GALNT16: variants seen among roughly 807,000 people sequenced by gnomAD.
GALNT16 encodes polypeptide N-acetylgalactosaminyltransferase 16.
Under a neutral mutation model 76.1 loss-of-function variants are expected in GALNT16, and 40 were observed. The observed-to-expected ratio is 0.53, with a 90% confidence interval of 0.41 to 0.68. The LOEUF (loss-of-function observed/expected upper bound fraction) is 0.68, where lower values mean the gene tolerates loss of function less well. GALNT16 is among the 30% of genes least tolerant of loss of function. The pLI, the probability that GALNT16 is intolerant of heterozygous loss-of-function variation, is 0.00. For missense variants in GALNT16, 621 were observed against 731.9 expected (o/e 0.85, Z 1.75); for synonymous variants, 276 against 285.2 (o/e 0.97, Z 0.32).
rs949816720 is a variant in GALNT16 at position 69,304,532 on chromosome 14, G to A, written c.178-16179G>A. 5.9e-5 allele frequency among the ~76,000 whole-genome samples: 9 copies of A among 152,278 alleles called. No individual in the cohort carries two copies. The East Asian group carries it at 7.7e-4, about 13-fold the overall frequency. On this transcript the variant is annotated intron_variant, in intron 1 of 14. Coordinates refer to ENST00000448469, the MANE Select transcript of GALNT16 (RefSeq NM_001168368.2). ...ATCCATTATGATTGACTATAGGTAC[G>A]ATGTTGTACAGCAGACTCTAGAGCT...
chr14:69,329,079 C>T (rs1439248851), intron 6 of GALNT16, among the ~76,000 whole-genome samples: 1 of 152,166 alleles, frequency 6.6e-6, no homozygotes, highest in African/African-American at 2.4e-5. Flanking sequence ...GCAAAGGGGC[C>T]TGGAGCGGTG....
intron 1 of GALNT16, among the ~76,000 whole-genome samples, chr14:69,284,022 G>T (rs2044577652): frequency 1.3e-5 from 2 of 152,218 alleles, no homozygotes; most frequent in Middle Eastern, 3.4e-3. Context: ...GAATGATTTG[G>T]CTCATCCTTA....
At chr14:69,358,897 G>A (rs12879905), downstream of GALNT16, 8,144 of 152,388 alleles carry the variant, frequency 0.053, 315 homozygotes, top group East Asian at 0.097. Context: ...GACCTGAGTC[G>A]TGTAGTGCGA....
intron 1 of GALNT16, among the ~76,000 whole-genome samples, chr14:69,274,325 C>T (rs1163816360): frequency 6.6e-6 from 1 of 152,152 alleles, no homozygotes; most frequent in Non-Finnish European, 1.5e-5. Context: ...TTATCTAATT[C>T]TGCATAACAA....
At chr14:69,331,756 C>T (rs2045355545) in intron 7 of GALNT16, among the ~76,000 whole-genome samples, 1 of 152,228 alleles carries the variant, frequency 6.6e-6, no homozygotes, top group Admixed American at 6.5e-5. Context: ...CAGTTGCAGG[C>T]TTCTGATACA....
intron 1 of GALNT16, among the ~76,000 whole-genome samples, chr14:69,312,553 G>A (rs2045043274): frequency 6.6e-6 from 1 of 152,212 alleles, no homozygotes; most frequent in African/African-American, 2.4e-5. Flanking sequence ...CTCCCGTTAG[G>A]TGTGACTGCT....
At chr14:69,332,973 C>G in intron 7 of GALNT16, 112 bp from the exon 8 acceptor site, 1 of 782,798 alleles carries the variant, frequency 1.3e-6, no homozygotes, top group South Asian at 1.4e-5. Context: ...AGGGACTGCA[C>G]GAAGAGCCCA....
intron 12 of GALNT16, among the ~76,000 whole-genome samples, chr14:69,346,678 GGATT>G (rs2045568519): frequency 6.6e-6 from 1 of 152,138 alleles, no homozygotes; most frequent in African/African-American, 2.4e-5. Context: ...TGTCATTTTG[GGATT>G]GATTATTGAG....
Position 69,352,508 on chromosome 14 carries a change from T to C in GALNT16, c.*340T>C, listed in dbSNP as rs2045651785. Reference sequence around the variant, plus strand: ...ACAATAGTGTGTGGTCTCTCCCTTGTTGCCCGGAGAAAGCAAGGACAGAAG... The same window carrying C: ...ACAATAGTGTGTGGTCTCTCCCTTGCTGCCCGGAGAAAGCAAGGACAGAAG... On this transcript the variant is annotated 3_prime_UTR_variant, in exon 15 of 15. Coordinates refer to ENST00000448469, the MANE Select transcript of GALNT16 (RefSeq NM_001168368.2). 1.5e-5 allele frequency: 3 copies of C among 201,266 alleles called. No individual in the cohort carries two copies. In the South Asian group the frequency reaches 4.5e-4, roughly 30 times the overall value. The allele number at this position is 201,266 out of a possible 1,614,324, so 12.5% of individuals were successfully genotyped here.
At position 69,352,301 on chromosome 14, in the gene GALNT16, T is replaced by A; in HGVS notation, c.*133T>A. On this transcript the variant is annotated 3_prime_UTR_variant, in exon 15 of 15. Coordinates refer to ENST00000448469, the MANE Select transcript of GALNT16 (RefSeq NM_001168368.2). Reference sequence around the variant, plus strand: ...CAGGACCATCAGCAAATACCCACCATGACACACGTTCTCCAAAGCTTGTTC... The same window carrying A: ...CAGGACCATCAGCAAATACCCACCAAGACACACGTTCTCCAAAGCTTGTTC... 2.5e-6 allele frequency: 2 copies of A among 812,834 alleles called. No homozygotes were observed. Among genetic ancestry groups the A allele is most frequent in the Non-Finnish European group, 3.8e-6 (2 of 529,528 alleles). The allele number at this position is 812,834 out of a possible 1,614,324, so 50.4% of individuals were successfully genotyped here.
At chr14:69,327,813 A>G (rs144349712) in intron 5 of GALNT16, among the ~76,000 whole-genome samples, 4 of 152,348 alleles carry the variant, frequency 2.6e-5, no homozygotes, top group Admixed American at 2.6e-4. Flanking sequence ...GTGCTGCCCA[A>G]AATGAGGCTG....
At chr14:69,325,637 T>C (rs1490891588) in intron 4 of GALNT16, among the ~76,000 whole-genome samples, 3 of 152,170 alleles carry the variant, frequency 2.0e-5, no homozygotes, top group Non-Finnish European at 4.4e-5. Context: ...GATATTGTTT[T>C]TAAAAAGTAA....
chr14:69,298,747 G>C (rs535720050), intron 1 of GALNT16: 8 of 152,434 alleles, frequency 5.2e-5, no homozygotes, highest in Non-Finnish European at 1.2e-4. Context: ...GTTGCTAGTG[G>C]CTTTACTGGG....
At position 69,288,496 on chromosome 14, in the gene GALNT16, A is replaced by G. The variant is rs188233948; in HGVS notation, c.177+28029A>G. On this transcript the variant is annotated intron_variant, in intron 1 of 14. Coordinates refer to ENST00000448469, the MANE Select transcript of GALNT16 (RefSeq NM_001168368.2). Reference sequence around the variant, plus strand: ...CATGTGAAACAGCGGCTCTCCCACCAGTAACCCTGGCCCCTATGCTTTCCC... The same window carrying G: ...CATGTGAAACAGCGGCTCTCCCACCGGTAACCCTGGCCCCTATGCTTTCCC... Among the ~76,000 whole-genome samples, 59 of 152,298 alleles carry G rather than the reference A, an allele frequency of 3.9e-4. No homozygotes were observed. The Middle Eastern group carries it at 0.014, about 35-fold the overall frequency.
chr14:69,305,899 A>G (rs1294564883), intron 1 of GALNT16, among the ~76,000 whole-genome samples: 1 of 152,128 alleles, frequency 6.6e-6, no homozygotes, highest in African/African-American at 2.4e-5. Context: ...TGCAATTTCC[A>G]GTCTTATATT....
chr14:69,374,823 G>A, the GALNT16 span, among the ~76,000 whole-genome samples: 3,216 of 152,264 alleles, frequency 0.021, 53 homozygotes, highest in Middle Eastern at 0.065. Flanking sequence ...CACCTTGCAA[G>A]GGCCTTCATG....
rs568123075 is a variant in GALNT16 at position 69,284,183 on chromosome 14, G to A, written c.177+23716G>A. Among the ~76,000 whole-genome samples, 8 of 152,242 alleles carry A rather than the reference G, an allele frequency of 5.3e-5. No homozygotes were observed. In the East Asian group the frequency reaches 7.7e-4, roughly 15 times the overall value. Reference sequence around the variant, plus strand: ...CCCCAAACACCTGCTGCAGTTCCTCGAGAAAGGGATGCCTGCTCTTCAGGC... The same window carrying A: ...CCCCAAACACCTGCTGCAGTTCCTCAAGAAAGGGATGCCTGCTCTTCAGGC... On this transcript the variant is annotated intron_variant, in intron 1 of 14. Transcript: ENST00000448469.
At chr14:69,361,828 G>A (rs117192713), downstream of GALNT16, among the ~76,000 whole-genome samples, 8,657 of 152,172 alleles carry the variant, frequency 0.057, 317 homozygotes, top group Middle Eastern at 0.1. Context: ...CATGGATGGC[G>A]AAACTCCGTC....
At chr14:69,265,936 A>G (rs1369857926) in intron 1 of GALNT16, among the ~76,000 whole-genome samples, 1 of 152,186 alleles carries the variant, frequency 6.6e-6, no homozygotes, top group Admixed American at 6.5e-5. Flanking sequence ...CATTCGTTGG[A>G]GACCTGGATG....
Sources: allele counts gnomAD v4.1 joint callset (sites outside exome capture counted in the v4.1 genomes callset), GRCh38; gene constraint gnomAD v4.1.1; transcripts MANE v1.5; gene names NCBI Gene and HGNC (gene_info 2026-07-23, HGNC 2026-07-21).